CAMTA1: variants seen among roughly 807,000 people sequenced by gnomAD.
CAMTA1 encodes the protein calmodulin binding transcription activator 1.
A neutral mutation model predicts 170.9 loss-of-function variants in CAMTA1; 27 were observed. The ratio of observed to expected loss-of-function variants is 0.16; its 90% CI spans 0.12 to 0.22. CAMTA1 has a LOEUF of 0.22. Among genes scored for constraint, CAMTA1 ranks in the 10% least tolerant of loss-of-function variants. The pLI is 1.00. For missense variants in CAMTA1, 1,619 were observed against 2,217.2 expected (o/e 0.73, Z 5.42); for synonymous variants, 833 against 891.5 (o/e 0.93, Z 1.17).
intron 3 of CAMTA1, among the ~76,000 whole-genome samples, chr1:6,923,960 C>T (rs1476452279): frequency 6.6e-6 from 1 of 152,098 alleles, no homozygotes; most frequent in Non-Finnish European, 1.5e-5. Flanking sequence ...GAGAGAACCC[C>T]CATTACTCGC....
intron 20 of CAMTA1, among the ~76,000 whole-genome samples, chr1:7,752,148 T>C (rs182920480): frequency 4.6e-5 from 7 of 152,362 alleles, no homozygotes; most frequent in African/African-American, 1.7e-4. Context: ...ATGCCTTTTG[T>C]GGCAAAATGA....
At chr1:7,679,178 G>A (rs1383025536) in intron 11 of CAMTA1, among the ~76,000 whole-genome samples, 2 of 152,220 alleles carry the variant, frequency 1.3e-5, no homozygotes, top group Non-Finnish European at 2.9e-5. Flanking sequence ...AGGGGCTCCC[G>A]TTTAGGAAAT....
intron 3 of CAMTA1, among the ~76,000 whole-genome samples, chr1:7,038,827 G>T (rs753426533): frequency 9.2e-5 from 14 of 152,168 alleles, no homozygotes; most frequent in Non-Finnish European, 2.1e-4. Context: ...ATCACTTGAG[G>T]TCAGGAGTTC....
At chr1:7,166,052 G>T (rs1186904571) in intron 4 of CAMTA1, among the ~76,000 whole-genome samples, 16 of 151,702 alleles carry the variant, frequency 1.1e-4, no homozygotes, top group Admixed American at 9.8e-4. Context: ...AAGCGGGGGG[G>T]TGTGTTTACT....
chr1:7,226,877 G>T (rs140398192), intron 4 of CAMTA1, among the ~76,000 whole-genome samples: 1 of 151,856 alleles, frequency 6.6e-6, no homozygotes, highest in African/African-American at 2.4e-5. Flanking sequence ...CTGTCACCCG[G>T]GCTGGAGTGC....
At chr1:7,756,259 A>G (rs1467465960) in intron 22 of CAMTA1, among the ~76,000 whole-genome samples, 1 of 152,134 alleles carries the variant, frequency 6.6e-6, no homozygotes, top group African/African-American at 2.4e-5. Flanking sequence ...GCCCTTTCAG[A>G]ACAAACCCAG....
intron 5 of CAMTA1, among the ~76,000 whole-genome samples, chr1:7,355,627 A>G (rs1302594346): frequency 6.6e-6 from 1 of 152,244 alleles, no homozygotes; most frequent in Non-Finnish European, 1.5e-5. Flanking sequence ...CTCAGCGGCC[A>G]GGGCCATCTT....
At chr1:7,252,504 G>A (rs547066699) in intron 5 of CAMTA1, among the ~76,000 whole-genome samples, 1 of 152,228 alleles carries the variant, frequency 6.6e-6, no homozygotes, top group Admixed American at 6.5e-5. Flanking sequence ...AGCCCAGGGG[G>A]TGTGCTCTGG....
At chr1:7,398,279 G>A (rs1315417040) in intron 5 of CAMTA1, among the ~76,000 whole-genome samples, 7 of 137,830 alleles carry the variant, frequency 5.1e-5, no homozygotes, top group Admixed American at 1.5e-4. Flanking sequence ...GGGTGCATGT[G>A]TATTTATAAA....
chr1:7,175,272 C>T (rs114805525), intron 4 of CAMTA1, among the ~76,000 whole-genome samples: 2,034 of 152,242 alleles, frequency 0.013, 47 homozygotes, highest in African/African-American at 0.046. Context: ...AGTTTTAATG[C>T]CATAGAATAT....
Position 7,320,433 on chromosome 1 carries a change from C to T in CAMTA1, c.438+70807C>T, listed in dbSNP as rs543927954. Reference sequence around the variant, plus strand: ...GCTATGTATCTGAGGCTGTAATAATCCACTCTAGGAAAGACATCTGGCTGG... The same window carrying T: ...GCTATGTATCTGAGGCTGTAATAATTCACTCTAGGAAAGACATCTGGCTGG... On this transcript the variant is annotated intron_variant, in intron 5 of 22. Coordinates refer to ENST00000303635, the MANE Select transcript of CAMTA1 (RefSeq NM_015215.4). 2.6e-5 allele frequency among the ~76,000 whole-genome samples: 4 copies of T among 152,230 alleles called. No individual in the cohort carries two copies. In the East Asian group the frequency reaches 5.8e-4, roughly 22 times the overall value.
intron 5 of CAMTA1, among the ~76,000 whole-genome samples, chr1:7,462,423 G>A (rs1458958058): frequency 3.9e-5 from 6 of 152,032 alleles, no homozygotes; most frequent in Non-Finnish European, 7.3e-5. Context: ...ATGCCATCAC[G>A]CCGGCTAATT....
At chr1:7,622,817 G>A (rs2095607693) in intron 6 of CAMTA1, among the ~76,000 whole-genome samples, 1 of 152,260 alleles carries the variant, frequency 6.6e-6, no homozygotes, top group South Asian at 2.1e-4. Context: ...AAGCCAGACA[G>A]ATGTGGAGCC....
chr1:7,717,650 G>A (rs1446794352), intron 11 of CAMTA1, among the ~76,000 whole-genome samples: 1 of 152,032 alleles, frequency 6.6e-6, no homozygotes, highest in East Asian at 1.9e-4. Context: ...AGGAGGCTAA[G>A]GCAGGAGGTA....
intron 11 of CAMTA1, chr1:7,693,878 C>T (rs895467667): frequency 6.6e-6 from 1 of 152,264 alleles, no homozygotes; most frequent in African/African-American, 2.4e-5. Context: ...AAGACCCCAC[C>T]CTAAGTCACA....
intron 3 of CAMTA1, among the ~76,000 whole-genome samples, chr1:7,046,233 T>C (rs1240866550): frequency 6.6e-6 from 1 of 152,272 alleles, no homozygotes; most frequent in Admixed American, 6.5e-5. Context: ...TTACTTTATT[T>C]AATAAGCTAG....
At chr1:7,744,699 A>G in intron 16 of CAMTA1, 136 bp from the exon 17 acceptor site, 2 of 661,134 alleles carry the variant, frequency 3.0e-6, no homozygotes, top group South Asian at 4.0e-5. Context: ...ATGGTATTTC[A>G]TTGCATTGGA....
chr1:7,677,714 C>T lies in CAMTA1; in HGVS notation c.2895C>T (p.His965=), dbSNP rs748465246. 22 of 1,613,834 alleles carry T rather than the reference C, an allele frequency of 1.4e-5. No homozygotes were observed. Among genetic ancestry groups the T allele is most frequent in the Middle Eastern group, 1.6e-4 (1 of 6,082 alleles). ...RALPTLPSSQ[H]DWLSLDDNQF... is the part of the protein sequence containing the mutation. Reference sequence around the variant, plus strand: ...TGCCCACGCTCCCTTCCTCCCAGCACGACTGGCTGTCGTTGGACGGTAAGA... The same window carrying T: ...TGCCCACGCTCCCTTCCTCCCAGCATGACTGGCTGTCGTTGGACGGTAAGA... The change falls in exon 11 of 23, where the codon CAC becomes CAT. Residue 965 remains histidine (H), a synonymous_variant. Transcript: ENST00000303635.
intron 5 of CAMTA1, among the ~76,000 whole-genome samples, chr1:7,266,657 G>A (rs1668983288): frequency 6.6e-6 from 1 of 152,234 alleles, no homozygotes; most frequent in Non-Finnish European, 1.5e-5. Context: ...AGAGGACAGT[G>A]TGCAATGCAT....
Sources: allele counts gnomAD v4.1 joint callset (sites outside exome capture counted in the v4.1 genomes callset), GRCh38; gene constraint gnomAD v4.1.1; transcripts MANE v1.5; gene names NCBI Gene and HGNC (gene_info 2026-07-23, HGNC 2026-07-21).